The following PCBD2 variants were observed in gnomAD, a reference collection of about 807,000 sequenced individuals.
The protein encoded by PCBD2 is pterin-4-alpha-carbinolamine dehydratase 2.
Under a neutral mutation model 16.4 loss-of-function variants are expected in PCBD2, and 12 were observed. The observed-to-expected ratio is 0.73, with a 90% CI of 0.47 to 1.19. PCBD2 has a LOEUF of 1.19. Ranked by LOEUF, PCBD2 falls within the 50% of genes most tolerant of loss-of-function variation. The pLI is 0.00. For missense variants in PCBD2, 138 were observed against 156.8 expected (o/e 0.88, Z 0.64); for synonymous variants, 58 against 61.8 (o/e 0.94, Z 0.29).
intron 2 of PCBD2, among the ~76,000 whole-genome samples, chr5:134,929,326 A>T (rs1207373001): frequency 6.6e-6 from 1 of 150,714 alleles, no homozygotes; most frequent in Non-Finnish European, 1.5e-5. Flanking sequence ...CAACCTGGGT[A>T]ATAGAGCGAG....
intron 2 of PCBD2, among the ~76,000 whole-genome samples, chr5:134,937,077 T>C (rs2073398355): frequency 1.3e-5 from 2 of 152,246 alleles, no homozygotes; most frequent in African/African-American, 2.4e-5. Flanking sequence ...ATAATTAACA[T>C]TCCATGTTGA....
intron 2 of PCBD2, among the ~76,000 whole-genome samples, chr5:134,949,159 A>G (rs1414504855): frequency 6.6e-6 from 1 of 152,054 alleles, no homozygotes; most frequent in Non-Finnish European, 1.5e-5. Context: ...TGCTTGGCTG[A>G]GATGCTCGCT....
chr5:134,925,286 T>C (rs1277977653), intron 2 of PCBD2: 3 of 398,450 alleles, frequency 7.5e-6, no homozygotes, highest in Non-Finnish European at 8.8e-6. Context: ...ATGTGGTCTT[T>C]GGAGTAGAAA....
intron 2 of PCBD2, among the ~76,000 whole-genome samples, chr5:134,918,303 G>A (rs1305733265): frequency 1.3e-5 from 2 of 152,068 alleles, no homozygotes; most frequent in Admixed American, 6.6e-5. Flanking sequence ...TCAGGAGTTC[G>A]ACACCAGCCT....
At chr5:134,928,708 G>A (rs899393851) in intron 2 of PCBD2, among the ~76,000 whole-genome samples, 11 of 152,258 alleles carry the variant, frequency 7.2e-5, no homozygotes, top group South Asian at 2.1e-4. Context: ...GGTGGCGGGC[G>A]CCTGTAGTCC....
At chr5:134,923,938 C>T (rs763339171) in intron 2 of PCBD2, 4 of 394,150 alleles carry the variant, frequency 1.0e-5, no homozygotes, top group Non-Finnish European at 1.8e-5. Flanking sequence ...AGGCAGGCAC[C>T]AAGAAGTGAG....
At chr5:134,948,244 G>A (rs568079538) in intron 2 of PCBD2, among the ~76,000 whole-genome samples, 142 of 152,312 alleles carry the variant, frequency 9.3e-4, no homozygotes, top group African/African-American at 3.3e-3. Context: ...AAGATATGGC[G>A]AAATGAATTT....
chr5:134,937,898 C>A (rs965703316), intron 2 of PCBD2, among the ~76,000 whole-genome samples: 3 of 152,162 alleles, frequency 2.0e-5, no homozygotes, highest in South Asian at 2.1e-4. Context: ...AATGGCAAAC[C>A]ATCTTATACA....
chr5:134,938,036 T>G (rs752307795), intron 2 of PCBD2, among the ~76,000 whole-genome samples: 1 of 152,176 alleles, frequency 6.6e-6, no homozygotes, highest in Admixed American at 6.5e-5. Flanking sequence ...TGGAATTGCT[T>G]TTGGTGCAGA....
At position 134,960,695 on chromosome 5, in the gene PCBD2, A is replaced by G; in HGVS notation, c.*14A>G. 6.3e-7 allele frequency: 1 copy of G among 1,578,158 alleles called. No homozygotes were observed. The highest frequency in any genetic ancestry group is 8.7e-7 in the Non-Finnish European group (1 of 1,148,566). On this transcript the variant is annotated 3_prime_UTR_variant, in exon 4 of 4. Transcript: ENST00000254908. ...GCTTCTGTGTGATTTCTTCCAAAAT[A>G]CATGTAAAATCTTGTACACATCTTA...
intron 2 of PCBD2, among the ~76,000 whole-genome samples, chr5:134,918,270 C>T (rs939361924): frequency 2.0e-4 from 30 of 152,192 alleles, no homozygotes; most frequent in African/African-American, 6.5e-4. Context: ...TTTGGGAGGC[C>T]GAAGCAGGCG....
intron 1 of PCBD2, 171 bp downstream of exon 1, chr5:134,905,394 C>A: frequency 2.1e-6 from 1 of 481,252 alleles, no homozygotes; most frequent in Non-Finnish European, 3.2e-6. Flanking sequence ...TCCGGTGCGC[C>A]GCTCAGAGAC....
In PCBD2 at chr5:134,960,787, G is replaced by C; in HGVS notation, c.*106G>C. On this transcript the variant is annotated 3_prime_UTR_variant, in exon 4 of 4. Transcript: ENST00000254908. ...GTTGTTCTTTTTCTCTTTTTTTTAAGACAGAGTGTTGCTCTGTCGCCCAGG... is the reference window on the plus strand; with the variant it reads ...GTTGTTCTTTTTCTCTTTTTTTTAACACAGAGTGTTGCTCTGTCGCCCAGG... 1.0e-6 allele frequency: 1 copy of C among 967,292 alleles called. No homozygotes were observed. Among genetic ancestry groups the C allele is most frequent in the South Asian group, 1.5e-5 (1 of 65,890 alleles). 59.9% of individuals were successfully genotyped at this position (967,292 alleles called of 1,614,324 possible).
intron 2 of PCBD2, among the ~76,000 whole-genome samples, chr5:134,939,995 A>G (rs1445034670): frequency 6.6e-6 from 1 of 151,852 alleles, no homozygotes; most frequent in Non-Finnish European, 1.5e-5. Flanking sequence ...ATCAGGTCAC[A>G]CAGCGGGAAG....
chr5:134,918,070 T>C (rs1232737692), intron 2 of PCBD2, among the ~76,000 whole-genome samples: 1 of 152,194 alleles, frequency 6.6e-6, no homozygotes, highest in African/African-American at 2.4e-5. Flanking sequence ...AGTTTGGGTT[T>C]GATTGTTCTT....
intron 2 of PCBD2, among the ~76,000 whole-genome samples, chr5:134,911,724 C>T (rs1229389158): frequency 2.6e-5 from 4 of 152,174 alleles, no homozygotes; most frequent in African/African-American, 2.4e-5. Flanking sequence ...GCTGCATGCC[C>T]GATTCTGTTC....
At chr5:134,936,250 C>T (rs1751157799) in intron 2 of PCBD2, among the ~76,000 whole-genome samples, 1 of 152,152 alleles carries the variant, frequency 6.6e-6, no homozygotes. Context: ...TGCAGGTTCC[C>T]CTTGGACATC....
At chr5:134,926,419 G>A (rs2149533674) in intron 2 of PCBD2, 3 of 391,028 alleles carry the variant, frequency 7.7e-6, no homozygotes, top group Non-Finnish European at 1.4e-5. Context: ...GGGAATTAAG[G>A]AAGTTAGGGC....
intron 2 of PCBD2, among the ~76,000 whole-genome samples, chr5:134,946,910 C>G (rs1751301957): frequency 6.6e-6 from 1 of 152,014 alleles, no homozygotes; most frequent in Non-Finnish European, 1.5e-5. Flanking sequence ...TGCCTTCTCT[C>G]TCTTTAAAAC....
Sources: gnomAD v4.1 joint callset for allele counts (sites outside exome capture counted in the v4.1 genomes callset) on GRCh38, gnomAD v4.1.1 for gene constraint, MANE v1.5 for transcripts, NCBI Gene and HGNC (gene_info 2026-07-23, HGNC 2026-07-21) for gene names.